The following HHIP variants were observed in gnomAD, a reference collection of about 807,000 sequenced individuals.
The protein encoded by HHIP is hedgehog interacting protein, also known as hedgehog-interacting protein.
Under a neutral mutation model 74.0 loss-of-function variants are expected in HHIP, and 12 were observed. The ratio of observed to expected loss-of-function variants is 0.16; its 90% CI spans 0.10 to 0.26. The LOEUF (loss-of-function observed/expected upper bound fraction) is 0.26, where lower values mean the gene tolerates loss of function less well. HHIP is among the 10% of genes least tolerant of loss of function. The pLI, the probability that HHIP is intolerant of heterozygous loss-of-function variation, is 1.00. For synonymous variants in HHIP, 309 were observed against 311.6 expected (o/e 0.99, Z 0.09); for missense variants, 788 against 845.0 (o/e 0.93, Z 0.84).
chr4:144,664,910 C>T (rs1728819511), intron 4 of HHIP, among the ~76,000 whole-genome samples: 2 of 152,088 alleles, frequency 1.3e-5, no homozygotes, highest in South Asian at 4.1e-4. Flanking sequence ...TGGAAATAAA[C>T]AATAAATAAA....
chr4:144,699,137 C>T (rs1224946311), intron 4 of HHIP, among the ~76,000 whole-genome samples: 3 of 152,184 alleles, frequency 2.0e-5, no homozygotes, highest in Admixed American at 2.0e-4. Context: ...CATAAGACTG[C>T]TCCTACTTCA....
intron 11 of HHIP, among the ~76,000 whole-genome samples, chr4:144,730,568 T>C (rs545059105): frequency 1.3e-5 from 2 of 152,108 alleles, no homozygotes; most frequent in Non-Finnish European, 2.9e-5. Flanking sequence ...TCTTATTAGA[T>C]CGTACATTAA....
At chr4:144,731,293 C>T (rs1312101907) in intron 11 of HHIP, among the ~76,000 whole-genome samples, 1 of 152,100 alleles carries the variant, frequency 6.6e-6, no homozygotes, top group African/African-American at 2.4e-5. Flanking sequence ...CTTCCATGTG[C>T]AACACATTCT....
chr4:144,656,241 G>C (rs115490800), intron 2 of HHIP, among the ~76,000 whole-genome samples: 1 of 152,118 alleles, frequency 6.6e-6, no homozygotes, highest in East Asian at 1.9e-4. Context: ...ATGTATTTAA[G>C]TAAAAATCTT....
chr4:144,690,810 A>T (rs1729636289), intron 4 of HHIP, among the ~76,000 whole-genome samples: 1 of 152,236 alleles, frequency 6.6e-6, no homozygotes, highest in Non-Finnish European at 1.5e-5. Context: ...CCAGTGTCTT[A>T]TCATTAGCAT....
In HHIP at chr4:144,739,945, A is replaced by G. The variant is rs1162978873; in HGVS notation, c.*1988A>G. 1 of 152,146 alleles carries G rather than the reference A, an allele frequency of 6.6e-6. No individual in the cohort carries two copies. The highest frequency in any genetic ancestry group is 1.5e-5 in the Non-Finnish European group (1 of 68,028). 9.4% of individuals were successfully genotyped at this position (152,146 alleles called of 1,614,324 possible). A position where few individuals can be genotyped will look rare whatever the true frequency, so the allele number is the denominator to read the frequency against. On this transcript the variant is annotated 3_prime_UTR_variant, in exon 13 of 13. Coordinates refer to ENST00000296575, the MANE Select transcript of HHIP (RefSeq NM_022475.3). ...CTTTTGTCTCCATTGCTTTCTCTTC[A>G]TAGCCCTTTTACTGAATTCCATCAC...
intron 4 of HHIP, among the ~76,000 whole-genome samples, chr4:144,689,969 C>T (rs550614435): frequency 9.2e-5 from 14 of 152,156 alleles, no homozygotes; most frequent in African/African-American, 1.2e-4. Context: ...CCATCACGCC[C>T]AGCTAATTTT....
chr4:144,702,166 A>T (rs1349605137), intron 4 of HHIP, among the ~76,000 whole-genome samples: 1 of 152,172 alleles, frequency 6.6e-6, no homozygotes, highest in East Asian at 1.9e-4. Flanking sequence ...AAAGAAAAGA[A>T]AAAAATAATA....
chr4:144,657,347 G>T (rs994547495), intron 2 of HHIP, among the ~76,000 whole-genome samples: 1 of 152,104 alleles, frequency 6.6e-6, no homozygotes, highest in Non-Finnish European at 1.5e-5. Context: ...ATCTGAATTT[G>T]TTATACAACT....
chr4:144,672,586 G>A (rs1228115609), intron 4 of HHIP, among the ~76,000 whole-genome samples: 3 of 152,156 alleles, frequency 2.0e-5, no homozygotes, highest in African/African-American at 4.8e-5. Context: ...GCTCTGCTAA[G>A]GTCTTTGGCT....
chr4:144,700,217 T>C (rs548778893), intron 4 of HHIP, among the ~76,000 whole-genome samples: 174 of 152,312 alleles, frequency 1.1e-3, no homozygotes, highest in Non-Finnish European at 2.0e-3. Flanking sequence ...CTGACAGCTA[T>C]GAGAAAGAGC....
chr4:144,681,407 C>G (rs994178679), intron 4 of HHIP, among the ~76,000 whole-genome samples: 1 of 146,802 alleles, frequency 6.8e-6, no homozygotes, highest in African/African-American at 2.5e-5. Context: ...AAAAGTCTAT[C>G]GGATTGCAGA....
intron 1 of HHIP, chr4:144,647,172 C>T (rs1439455177): frequency 2.0e-6 from 1 of 497,672 alleles, no homozygotes; most frequent in Non-Finnish European, 3.5e-6. Context: ...GGATGCTGTG[C>T]AAACTTGCCT....
Position 144,656,446 on chromosome 4 carries a change from G to A in HHIP, c.473-2344G>A, listed in dbSNP as rs112877076. Among the ~76,000 whole-genome samples the A allele has an allele frequency of 8.9e-3, 1,355 of 152,092 alleles. 29 individuals are homozygous for A. The highest frequency in any genetic ancestry group is 0.031 in the African/African-American group (1,278 of 41,478). On this transcript the variant is annotated intron_variant, in intron 2 of 12. Transcript: ENST00000296575. ...TTTGAAAATGACTTCTCATTTCCTC[G>A]TATTTGTCCCAGTTACTAATTCCCT...
In HHIP at chr4:144,691,984, T is replaced by A. The variant is rs553233989; in HGVS notation, c.832-14547T>A. On this transcript the variant is annotated intron_variant, in intron 4 of 12. Transcript: ENST00000296575. The stretch of plus-strand genomic sequence containing the variant: ...ATCATTTTTGCTAGAGTTGACCTTA[T>A]GCATTTCAAGGCTGGCACCATCATG... Among the ~76,000 whole-genome samples, 86 of 152,238 alleles carry A rather than the reference T, an allele frequency of 5.6e-4. 2 individuals carry two copies. The South Asian group carries it at 0.017, about 31-fold the overall frequency.
At chr4:144,722,198 C>G (rs1409372056) in intron 11 of HHIP, among the ~76,000 whole-genome samples, 1 of 152,158 alleles carries the variant, frequency 6.6e-6, no homozygotes, top group Admixed American at 6.5e-5. Context: ...AATAACTTTA[C>G]TTTCACTTAG....
At chr4:144,706,005 T>C (rs1730122654) in intron 4 of HHIP, among the ~76,000 whole-genome samples, 1 of 152,226 alleles carries the variant, frequency 6.6e-6, no homozygotes, top group Admixed American at 6.5e-5. Context: ...CCACCATCGT[T>C]GTGACAACTG....
At chr4:144,715,579 ATAGT>A in intron 10 of HHIP, 149 bp downstream of exon 10, 1 of 635,670 alleles carries the variant, frequency 1.6e-6, no homozygotes, top group East Asian at 3.0e-5. Context: ...AGAGATTAAG[ATAGT>A]CCAGTTACAT....
At chr4:144,647,994 A>AC (rs944037921) in intron 1 of HHIP, among the ~76,000 whole-genome samples, 9 of 152,104 alleles carry the variant, frequency 5.9e-5, no homozygotes, top group African/African-American at 2.2e-4. Context: ...ATAATAAAAA[A>AC]AAAAAATACC....
Sources: allele counts gnomAD v4.1 joint callset (sites outside exome capture counted in the v4.1 genomes callset), GRCh38; gene constraint gnomAD v4.1.1; transcripts MANE v1.5; gene names NCBI Gene and HGNC (gene_info 2026-07-23, HGNC 2026-07-21).